Variants in RBM3 observed in about 807,000 individuals in gnomAD.
RBM3 encodes the protein RNA binding motif protein 3.
A neutral mutation model predicts 12.0 loss-of-function variants in RBM3; 3 were observed. That is an observed-to-expected ratio of 0.25 (90% CI 0.11 to 0.65). The LOEUF (loss-of-function observed/expected upper bound fraction) is 0.65, where lower values mean the gene tolerates loss of function less well. Ranked by LOEUF, RBM3 falls within the 30% of genes least tolerant of loss-of-function variation. The pLI is 0.84. For synonymous variants in RBM3, 58 were observed against 45.7 expected (o/e 1.27, Z -1.08); for missense variants, 108 against 134.5 (o/e 0.80, Z 0.97).
intron 6 of RBM3, 132 bp from the exon 7 acceptor site, chrX:48,577,333 T>G: frequency 1.1e-6 from 1 of 905,934 alleles, no homozygotes; most frequent in Non-Finnish European, 1.5e-6. Flanking sequence ...CTTCTACTCT[T>G]GTGTGGGATG....
At chrX:48,576,269 CCTGA>C (rs2147207804) in intron 3 of RBM3, 41 bp from the exon 4 acceptor site, 15 of 1,183,761 alleles carry the variant, frequency 1.3e-5, no homozygotes, top group East Asian at 3.1e-5. Context: ...TCACCATTGC[CCTGA>C]CTGACTGCCA....
intron 3 of RBM3, 33 bp downstream of exon 3, chrX:48,575,700 C>T (rs2062077210): frequency 8.8e-7 from 1 of 1,134,861 alleles, no homozygotes; most frequent in African/African-American, 1.8e-5. Flanking sequence ...GGACCTTGTC[C>T]CCATCTGCGG....
intron 2 of RBM3, 60 bp from the exon 3 acceptor site, chrX:48,575,501 C>CT (rs1452231323): frequency 1.9e-6 from 2 of 1,041,761 alleles, no homozygotes; most frequent in Non-Finnish European, 2.6e-6. Context: ...CCACCCTTTG[C>CT]TACTTAACCT....
chrX:48,580,811 GCTT>G lies in RBM3; in HGVS notation c.*3374_*3376del, dbSNP rs1313610983. On this transcript the variant is annotated 3_prime_UTR_variant, in exon 7 of 7. Coordinates refer to ENST00000376759, the MANE Select transcript of RBM3 (RefSeq NM_006743.5). The stretch of plus-strand genomic sequence containing the variant: ...GGTGGAGGTGTAGAACTTTTAAAAA[GCTT>G]CTTAAAATAAGTTGCTGTGAATACT... The G allele has an allele frequency of 4.5e-5, 5 of 111,697 alleles. No individual in the cohort carries two copies. The highest frequency in any genetic ancestry group is 7.5e-5 in the Non-Finnish European group (4 of 53,147). The allele number at this position is 111,697 out of a possible 1,213,427, so 9.2% of individuals were successfully genotyped here. A position where few individuals can be genotyped will look rare whatever the true frequency, so the allele number is the denominator to read the frequency against.
chrX:48,580,860 T>G lies in RBM3; in HGVS notation c.*3419T>G, dbSNP rs892019790. On this transcript the variant is annotated 3_prime_UTR_variant, in exon 7 of 7. Transcript: ENST00000376759. ...ATACTTCAGGTATATAAAAAAACAT[T>G]GGTTGACAATAAGCCAGTGTTCTGC... is the stretch of plus-strand genomic sequence containing the variant. The G allele has an allele frequency of 2.7e-5, 3 of 111,506 alleles. No individual in the cohort carries two copies. Among genetic ancestry groups the G allele is most frequent in the Non-Finnish European group, 5.6e-5 (3 of 53,139 alleles). 9.2% of individuals were successfully genotyped at this position (111,506 alleles called of 1,213,427 possible). A position where few individuals can be genotyped will look rare whatever the true frequency, so the allele number is the denominator to read the frequency against.
chrX:48,574,601 C>A (rs782710095), intron 1 of RBM3, 28 bp downstream of exon 1: 1 of 330,791 alleles, frequency 3.0e-6, no homozygotes, highest in African/African-American at 2.6e-5. Context: ...TGCGAAACGG[C>A]GGCTCCTCGC....
intron 1 of RBM3, 133 bp from the exon 2 acceptor site, chrX:48,575,035 C>T: frequency 2.0e-6 from 1 of 501,958 alleles, no homozygotes; most frequent in Non-Finnish European, 3.4e-6. Flanking sequence ...CTCAGCTTTT[C>T]TGTAGTTACC....
intron 3 of RBM3, chrX:48,575,940 C>A: frequency 3.5e-6 from 2 of 569,885 alleles, no homozygotes; most frequent in Non-Finnish European, 5.4e-6. Flanking sequence ...GTCTGCAGAC[C>A]TGTGGGCCTG....
intron 3 of RBM3, chrX:48,576,110 G>A: frequency 8.7e-7 from 1 of 1,151,464 alleles, no homozygotes; most frequent in South Asian, 2.0e-5. Context: ...GGAACATGGT[G>A]CATTCAGGTC....
Position 48,577,092 on chromosome X carries a change from G to T in RBM3, c.*6G>T, listed in dbSNP as rs782546670. Reference sequence around the variant, plus strand: ...GAGACAATTATGACAACTGAAATGAGACATGCACATAATATAGGTGAGACT... The same window carrying T: ...GAGACAATTATGACAACTGAAATGATACATGCACATAATATAGGTGAGACT... On this transcript the variant is annotated 3_prime_UTR_variant, in exon 6 of 7. Transcript: ENST00000376759. 4.1e-6 allele frequency: 5 copies of T among 1,209,950 alleles called. No homozygotes were observed. In the East Asian group the frequency reaches 1.5e-4, roughly 36 times the overall value.
rs1352064986 is a variant in RBM3, at chrX:48,580,467, G to C, written c.*3026G>C. 1.8e-5 allele frequency among the ~76,000 whole-genome samples: 2 copies of C among 111,403 alleles called. No homozygotes were observed. Among genetic ancestry groups the C allele is most frequent in the African/African-American group, 6.5e-5 (2 of 30,602 alleles). ...GCTGGAGTGCAGTGGCACAATCTCG[G>C]CTCACTGTACCCTCCGCCTCCCAGG... is the stretch of plus-strand genomic sequence containing the variant. On this transcript the variant is annotated 3_prime_UTR_variant, in exon 7 of 7. Transcript: ENST00000376759.
chrX:48,580,554 G>A lies in RBM3; in HGVS notation c.*3113G>A, dbSNP rs781864831. ...TGGGATTACAGGTGCCTGCCACCAC[G>A]CCCGGCTAATTTTTGTATTAATAGA... On this transcript the variant is annotated 3_prime_UTR_variant, in exon 7 of 7. Coordinates refer to ENST00000376759, the MANE Select transcript of RBM3 (RefSeq NM_006743.5). Among the ~76,000 whole-genome samples the A allele has an allele frequency of 2.7e-5, 3 of 111,072 alleles. No homozygotes were observed. Among genetic ancestry groups the A allele is most frequent in the South Asian group, 7.6e-4 (2 of 2,648 alleles).
chrX:48,580,590 C>T lies in RBM3; in HGVS notation c.*3149C>T, dbSNP rs1393088808. On this transcript the variant is annotated 3_prime_UTR_variant, in exon 7 of 7. Transcript: ENST00000376759. ...TTTTGTATTAATAGAGACAGGGTTTCACCGTGTTGGGCAGGCTGGTCCTGA... is the reference window on the plus strand; with the variant it reads ...TTTTGTATTAATAGAGACAGGGTTTTACCGTGTTGGGCAGGCTGGTCCTGA... 9.0e-6 allele frequency among the ~76,000 whole-genome samples: 1 copy of T among 111,498 alleles called. No individual in the cohort carries two copies. Among genetic ancestry groups the T allele is most frequent in the East Asian group, 2.8e-4 (1 of 3,547 alleles).
In RBM3 at chrX:48,578,431, G is replaced by T. The variant is rs919607392; in HGVS notation, c.*990G>T. 1 of 110,789 alleles carries T rather than the reference G, an allele frequency of 9.0e-6. No homozygotes were observed. The highest frequency in any genetic ancestry group is 1.9e-5 in the Non-Finnish European group (1 of 52,970). The allele number at this position is 110,789 out of a possible 1,213,427, so 9.1% of individuals were successfully genotyped here. A position where few individuals can be genotyped will look rare whatever the true frequency, so the allele number is the denominator to read the frequency against. ...CTACTAAAAATACAAAAGTTAGCGG[G>T]GCGTGGTGGCGGGTGCATGTAATCC... On this transcript the variant is annotated 3_prime_UTR_variant, in exon 7 of 7. Coordinates refer to ENST00000376759, the MANE Select transcript of RBM3 (RefSeq NM_006743.5).
chrX:48,576,722 T>C, intron 5 of RBM3, 118 bp downstream of exon 5: 1 of 1,046,927 alleles, frequency 9.6e-7, no homozygotes, highest in Non-Finnish European at 1.3e-6. Context: ...AAAATGAGTA[T>C]GAAATTTAGC....
In RBM3 at chrX:48,579,620, G is replaced by GTGAA. The variant is rs1156541496; in HGVS notation, c.*2182_*2185dup. Among the ~76,000 whole-genome samples the GTGAA allele has an allele frequency of 2.7e-5, 3 of 111,682 alleles. No individual in the cohort carries two copies. In the Admixed American group the frequency reaches 2.9e-4, roughly 11 times the overall value. On this transcript the variant is annotated 3_prime_UTR_variant, in exon 7 of 7. Transcript: ENST00000376759. The stretch of plus-strand genomic sequence containing the variant: ...AGTGAGAATTGGCAGGAGGACTGCT[G>GTGAA]TGAATGCCTTGTAGGTCGGGGGATT...
rs2147210314 is a variant in RBM3 at position 48,579,183 on chromosome X, C to A, written c.*1742C>A. ...GTTCTTTCTAGTGGCTGTATTGAGG[C>A]CCCATGGGTGTTATCCCTCCATTGG... is the stretch of plus-strand genomic sequence containing the variant. On this transcript the variant is annotated 3_prime_UTR_variant, in exon 7 of 7. Transcript: ENST00000376759. 9.0e-6 allele frequency: 1 copy of A among 111,276 alleles called. No individual in the cohort carries two copies. The highest frequency in any genetic ancestry group is 3.8e-4 in the South Asian group (1 of 2,632). 9.2% of individuals were successfully genotyped at this position (111,276 alleles called of 1,213,427 possible).
intron 3 of RBM3, 90 bp downstream of exon 3, chrX:48,575,757 C>A: frequency 1.1e-6 from 1 of 880,509 alleles, no homozygotes; most frequent in Middle Eastern, 2.8e-4. Flanking sequence ...CTCGGGGCAG[C>A]GTGGCCACCA....
rs2062095332 is a variant in RBM3, at chrX:48,579,793, C to G, written c.*2352C>G. 1 of 111,622 alleles carries G rather than the reference C, an allele frequency of 9.0e-6. No homozygotes were observed. The highest frequency in any genetic ancestry group is 3.3e-5 in the African/African-American group (1 of 30,695). 9.2% of individuals were successfully genotyped at this position (111,622 alleles called of 1,213,427 possible). On this transcript the variant is annotated 3_prime_UTR_variant, in exon 7 of 7. Transcript: ENST00000376759. ...TGAAGACCAAAATTTATTTGTATAA[C>G]AACTCTAAACCTGCTCTGCTCTGCT...
Sources: allele counts gnomAD v4.1 joint callset (sites outside exome capture counted in the v4.1 genomes callset), GRCh38; gene constraint gnomAD v4.1.1; transcripts MANE v1.5; gene names NCBI Gene and HGNC (gene_info 2026-07-23, HGNC 2026-07-21).